The following HOOK1 variants were observed in gnomAD, a reference collection of about 807,000 sequenced individuals.
The protein encoded by HOOK1 is hook microtubule tethering protein 1, also known as protein Hook homolog 1.
HOOK1 carries 60 observed loss-of-function variants against 112.8 expected under a neutral mutation model. The ratio of observed to expected loss-of-function variants is 0.53; its 90% CI spans 0.43 to 0.66. HOOK1 has a LOEUF of 0.66. Ranked by LOEUF, HOOK1 falls within the 30% of genes least tolerant of loss-of-function variation. HOOK1 has a pLI of 0.00. For synonymous variants in HOOK1, 294 were observed against 283.8 expected (o/e 1.04, Z -0.36); for missense variants, 770 against 856.0 (o/e 0.90, Z 1.25).
intron 6 of HOOK1, among the ~76,000 whole-genome samples, chr1:59,835,701 A>G (rs2098397118): frequency 6.6e-6 from 1 of 152,166 alleles, no homozygotes; most frequent in South Asian, 2.1e-4. Flanking sequence ...GTGGAAGACA[A>G]TTTTTCCACA....
chr1:59,828,279 T>C (rs2098391384), intron 2 of HOOK1, among the ~76,000 whole-genome samples: 1 of 152,210 alleles, frequency 6.6e-6, no homozygotes, highest in Admixed American at 6.5e-5. Flanking sequence ...AGACTTCTCA[T>C]TTAAACTCAT....
At chr1:59,843,795 A>G (rs570904247) in intron 9 of HOOK1, among the ~76,000 whole-genome samples, 197 bp downstream of exon 9, 1 of 152,154 alleles carries the variant, frequency 6.6e-6, no homozygotes, top group South Asian at 2.1e-4. Flanking sequence ...GGAGATACAC[A>G]TAAAAACAAA....
intron 1 of HOOK1, among the ~76,000 whole-genome samples, chr1:59,816,821 C>T (rs1030108479): frequency 1.3e-5 from 2 of 152,202 alleles, no homozygotes; most frequent in Admixed American, 6.5e-5. Flanking sequence ...TCTTGGGCTG[C>T]TGAGCACTGT....
chr1:59,817,594 C>G (rs1421945266), intron 1 of HOOK1, among the ~76,000 whole-genome samples: 1 of 152,144 alleles, frequency 6.6e-6, no homozygotes, highest in Non-Finnish European at 1.5e-5. Context: ...GTTCTTCAAG[C>G]CTATCATGCT....
intron 21 of HOOK1, among the ~76,000 whole-genome samples, chr1:59,872,168 G>A (rs186609693): frequency 4.3e-4 from 66 of 152,296 alleles, no homozygotes; most frequent in African/African-American, 1.4e-3. Context: ...ATTGTGTTAT[G>A]TGGTCTAGTG....
chr1:59,842,169 A>G (rs1375080710), intron 8 of HOOK1, among the ~76,000 whole-genome samples: 2 of 151,332 alleles, frequency 1.3e-5, no homozygotes, highest in Non-Finnish European at 2.9e-5. Context: ...TTCCTCTGTC[A>G]GTCATTTTTT....
At chr1:59,821,321 A>G (rs2098385447) in intron 1 of HOOK1, among the ~76,000 whole-genome samples, 1 of 152,228 alleles carries the variant, frequency 6.6e-6, no homozygotes, top group Non-Finnish European at 1.5e-5. Context: ...GATAGAAACA[A>G]CTTGACGTGA....
intron 12 of HOOK1, among the ~76,000 whole-genome samples, chr1:59,850,632 A>G (rs1466605937): frequency 1.3e-5 from 2 of 151,456 alleles, no homozygotes; most frequent in African/African-American, 4.8e-5. Flanking sequence ...ACTACATCGA[A>G]TTATTTGGTA....
Position 59,866,612 on chromosome 1 carries a change from A to G in HOOK1, c.1845+640A>G, listed in dbSNP as rs576091477. Among the ~76,000 whole-genome samples, 3 of 152,294 alleles carry G rather than the reference A, an allele frequency of 2.0e-5. No individual in the cohort carries two copies. In the South Asian group the frequency reaches 6.2e-4, roughly 32 times the overall value. Reference sequence around the variant, plus strand: ...CACTTGACCTTGTCCAACTAGGTCAAATGAAGAAAGACAGCCTAGATTGCA... The same window carrying G: ...CACTTGACCTTGTCCAACTAGGTCAGATGAAGAAAGACAGCCTAGATTGCA... On this transcript the variant is annotated intron_variant, in intron 19 of 21. Transcript: ENST00000371208.
At chr1:59,840,945 C>G (rs923076314) in intron 8 of HOOK1, among the ~76,000 whole-genome samples, 4 of 152,110 alleles carry the variant, frequency 2.6e-5, no homozygotes, top group Admixed American at 6.6e-5. Flanking sequence ...ATTGTCAAAC[C>G]AGGCTACCTA....
chr1:59,869,471 C>T lies in HOOK1; in HGVS notation c.1947+1120C>T, dbSNP rs143189421. Among the ~76,000 whole-genome samples, 468 of 152,246 alleles carry T rather than the reference C, an allele frequency of 3.1e-3. 2 individuals carry two copies. Among genetic ancestry groups the T allele is most frequent in the African/African-American group, 0.01 (435 of 41,546 alleles). ...CCTTCCAAAGTGCTGGGATTACAGA[C>T]GTGAGCCACCGCACCTAGCTGTATT... On this transcript the variant is annotated intron_variant, in intron 20 of 21. Coordinates refer to ENST00000371208, the MANE Select transcript of HOOK1 (RefSeq NM_015888.6).
rs74541139 is a variant in HOOK1, at chr1:59,872,792, C to T, written c.2017-3C>T. On this transcript the variant is annotated splice_polypyrimidine_tract_variant and splice_region_variant and intron_variant, in intron 21 of 21. Transcript: ENST00000371208. ...ATAAAAAATATATGTTTTTTTTTTTCAGAGTCTAGCATTCCAGAAACTGGG... is the reference window on the plus strand; with the variant it reads ...ATAAAAAATATATGTTTTTTTTTTTTAGAGTCTAGCATTCCAGAAACTGGG... 9.5e-6 allele frequency: 13 copies of T among 1,365,286 alleles called. No homozygotes were observed. The highest frequency in any genetic ancestry group is 6.5e-5 in the Admixed American group (2 of 30,968). The allele number at this position is 1,365,286 out of a possible 1,614,324, so 84.6% of individuals were successfully genotyped here.
At position 59,874,029 on chromosome 1, in the gene HOOK1, A is replaced by C. The variant is rs921560753; in HGVS notation, c.*1064A>C. 2 of 151,756 alleles carry C rather than the reference A, an allele frequency of 1.3e-5. No homozygotes were observed. The highest frequency in any genetic ancestry group is 1.5e-5 in the Non-Finnish European group (1 of 67,886). The allele number at this position is 151,756 out of a possible 1,614,324, so 9.4% of individuals were successfully genotyped here. On this transcript the variant is annotated 3_prime_UTR_variant, in exon 22 of 22. Coordinates refer to ENST00000371208, the MANE Select transcript of HOOK1 (RefSeq NM_015888.6). Reference sequence around the variant, plus strand: ...CTTATTTTCAGAGGTGTTACTTTTGAACTTTTGGGGTCATTTTTAAAAGTT... The same window carrying C: ...CTTATTTTCAGAGGTGTTACTTTTGCACTTTTGGGGTCATTTTTAAAAGTT...
At chr1:59,824,527 C>T (rs2098388451) in intron 2 of HOOK1, among the ~76,000 whole-genome samples, 2 of 152,132 alleles carry the variant, frequency 1.3e-5, no homozygotes, top group Admixed American at 1.3e-4. Context: ...TAATTTTTAA[C>T]ATATTGCATT....
rs752252950 is a variant in HOOK1 at position 59,868,265 on chromosome 1, G to A, written c.1861G>A (p.Asp621Asn). 3.1e-6 allele frequency: 5 copies of A among 1,600,626 alleles called. No homozygotes were observed. In the South Asian group the frequency reaches 5.5e-5, roughly 18 times the overall value. The change falls in exon 20 of 22, where the codon GAT becomes AAT. Residue 621 changes from aspartate to asparagine, a missense_variant. Asp to Asn is a conservative substitution (Grantham distance 23). This residue lies in a region of HOOK1 where 655 missense variants were observed against 725.9 expected (regional missense o/e 0.90). Coordinates refer to ENST00000371208, the MANE Select transcript of HOOK1 (RefSeq NM_015888.6). ...CTTTAAACAGGTAATAAAAACTTTGGATCCCAAGTTAAATCCAGCATCAGC... is the reference window on the plus strand; with the variant it reads ...CTTTAAACAGGTAATAAAAACTTTGAATCCCAAGTTAAATCCAGCATCAGC... ...EKARNVIKTL[D>N]PKLNPASAEI...
At chr1:59,870,997 G>A in intron 20 of HOOK1, 45 bp from the exon 21 acceptor site, 2 of 1,183,374 alleles carry the variant, frequency 1.7e-6, no homozygotes, top group Non-Finnish European at 2.5e-6. Flanking sequence ...TTAGTAATTT[G>A]GGGTAATTTC....
chr1:59,856,128 T>C (rs1480258047), intron 12 of HOOK1, among the ~76,000 whole-genome samples: 1 of 146,620 alleles, frequency 6.8e-6, no homozygotes, highest in South Asian at 2.1e-4. Context: ...TTTTTTTTTT[T>C]AGACATGGGG....
intron 14 of HOOK1, among the ~76,000 whole-genome samples, chr1:59,859,376 T>C (rs1040019807): frequency 6.6e-4 from 101 of 152,230 alleles, no homozygotes; most frequent in African/African-American, 2.3e-3. Context: ...AAAATCAATA[T>C]GATTTCACAA....
At chr1:59,829,944 TAA>T (rs1249138381) in intron 3 of HOOK1, among the ~76,000 whole-genome samples, 1 of 152,140 alleles carries the variant, frequency 6.6e-6, no homozygotes, top group Admixed American at 6.5e-5. Context: ...ATTTCCCTTA[TAA>T]AGTTTTCTCC....
Sources: gnomAD v4.1 joint callset for allele counts (sites outside exome capture counted in the v4.1 genomes callset) on GRCh38, gnomAD v4.1.1 for gene constraint, gnomAD v4.1.1 regional missense constraint, MANE v1.5 for transcripts, NCBI Gene and HGNC (gene_info 2026-07-23, HGNC 2026-07-21) for gene names.